The following RSRC1 variants were observed in gnomAD, a reference collection of about 807,000 sequenced individuals.
The protein encoded by RSRC1 is arginine and serine rich coiled-coil 1, also known as serine/Arginine-related protein 53.
Under a neutral mutation model 49.1 loss-of-function variants are expected in RSRC1, and 39 were observed. That is an observed-to-expected ratio of 0.79 (90% CI 0.61 to 1.04). The LOEUF (loss-of-function observed/expected upper bound fraction) is 1.04. Among genes scored for constraint, RSRC1 ranks in the 50% least tolerant of loss-of-function variants. RSRC1 has a pLI of 0.00. For missense variants in RSRC1, 388 were observed against 402.4 expected, an observed-to-expected ratio of 0.96 and a Z score of 0.31; for synonymous variants, 143 against 130.8, an observed-to-expected ratio of 1.09 and a Z score of -0.63.
intron 3 of RSRC1, among the ~76,000 whole-genome samples, chr3:158,166,219 C>T (rs771742045): frequency 5.3e-5 from 8 of 151,956 alleles, no homozygotes; most frequent in Non-Finnish European, 1.2e-4. Flanking sequence ...GTGCTTTTAT[C>T]GAAATAATTT....
chr3:158,334,073 A>G (rs1729714545), intron 5 of RSRC1, among the ~76,000 whole-genome samples: 2 of 152,206 alleles, frequency 1.3e-5, no homozygotes, highest in Admixed American at 1.3e-4. Context: ...GTTAATGTTT[A>G]TGGACTAAAA....
At chr3:158,313,173 A>G (rs1730040) in intron 5 of RSRC1, among the ~76,000 whole-genome samples, 58,936 of 151,590 alleles carry the variant, frequency 0.39, 12,308 homozygotes, top group East Asian at 0.64. Flanking sequence ...GATCCATCCC[A>G]TCCCCAGGAT....
At chr3:158,411,497 C>A (rs1734463645) in intron 6 of RSRC1, among the ~76,000 whole-genome samples, 1 of 146,944 alleles carries the variant, frequency 6.8e-6, no homozygotes, top group African/African-American at 2.5e-5. Context: ...AAACTTATAT[C>A]ATTCTACTTT....
chr3:158,537,052 C>A lies in RSRC1; in HGVS notation c.653-40C>A, dbSNP rs772649157. The A allele has an allele frequency of 3.0e-6, 4 of 1,342,026 alleles. No individual in the cohort carries two copies. In the South Asian group the frequency reaches 3.5e-5, roughly 12 times the overall value. 83.1% of individuals were successfully genotyped at this position (1,342,026 alleles called of 1,614,324 possible). On this transcript the variant is annotated intron_variant, in intron 7 of 9. Transcript: ENST00000611884. ...GCTTAGGTGTAGTGTTATTAACATGCTTACACCAAAATACGCTGACATTAT... is the reference window on the plus strand; with the variant it reads ...GCTTAGGTGTAGTGTTATTAACATGATTACACCAAAATACGCTGACATTAT...
At chr3:158,203,319 C>G in intron 4 of RSRC1, 74 bp downstream of exon 4, 1 of 1,463,900 alleles carries the variant, frequency 6.8e-7, no homozygotes, top group Non-Finnish European at 9.1e-7. Context: ...TTTTTGTTCT[C>G]TGAGGTTTTT....
At chr3:158,517,819 G>T (rs1440273575) in intron 7 of RSRC1, among the ~76,000 whole-genome samples, 5 of 126,848 alleles carry the variant, frequency 3.9e-5, no homozygotes, top group Middle Eastern at 5.2e-3. Context: ...GACCAGGTTG[G>T]TCTTGAAATC....
intron 7 of RSRC1, among the ~76,000 whole-genome samples, chr3:158,512,584 A>G (rs981153724): frequency 6.6e-6 from 1 of 152,076 alleles, no homozygotes; most frequent in African/African-American, 2.4e-5. Flanking sequence ...CTTAGGATTG[A>G]CTTGGCGATG....
At chr3:158,305,348 A>T (rs1235709820) in intron 5 of RSRC1, among the ~76,000 whole-genome samples, 6 of 152,104 alleles carry the variant, frequency 3.9e-5, no homozygotes, top group Non-Finnish European at 8.8e-5. Context: ...ACTTTTATGC[A>T]CCTGAGGTTA....
At chr3:158,280,838 G>A (rs1049585945) in intron 4 of RSRC1, among the ~76,000 whole-genome samples, 1 of 151,896 alleles carries the variant, frequency 6.6e-6, no homozygotes, top group African/African-American at 2.4e-5. Context: ...GTAGAGACGG[G>A]GTTTCACCCT....
intron 4 of RSRC1, among the ~76,000 whole-genome samples, chr3:158,258,723 C>T (rs1402487041): frequency 6.6e-6 from 1 of 151,954 alleles, no homozygotes; most frequent in Non-Finnish European, 1.5e-5. Context: ...TGTAGGTGTG[C>T]TTCATGTTTT....
intron 7 of RSRC1, among the ~76,000 whole-genome samples, chr3:158,464,352 A>G (rs1382534087): frequency 6.6e-6 from 1 of 152,092 alleles, no homozygotes; most frequent in Non-Finnish European, 1.5e-5. Flanking sequence ...TCTAATATGA[A>G]TTTCCTATTT....
At chr3:158,463,729 A>G (rs543821764) in intron 7 of RSRC1, among the ~76,000 whole-genome samples, 1 of 152,234 alleles carries the variant, frequency 6.6e-6, no homozygotes, top group Admixed American at 6.6e-5. Context: ...AATCAATAAC[A>G]TAATTATGTT....
At chr3:158,227,143 A>G (rs1212409632) in intron 4 of RSRC1, among the ~76,000 whole-genome samples, 1 of 151,702 alleles carries the variant, frequency 6.6e-6, no homozygotes. Context: ...CCTTTAACCA[A>G]TTTTCAACTG....
intron 4 of RSRC1, among the ~76,000 whole-genome samples, chr3:158,253,244 C>G (rs1724329784): frequency 6.6e-6 from 1 of 151,806 alleles, no homozygotes; most frequent in Non-Finnish European, 1.5e-5. Flanking sequence ...TTTGCTGTAT[C>G]CCATAGATTT....
At chr3:158,115,653 A>G (rs186651309) in intron 1 of RSRC1, among the ~76,000 whole-genome samples, 1 of 152,322 alleles carries the variant, frequency 6.6e-6, no homozygotes, top group African/African-American at 2.4e-5. Flanking sequence ...AAACAAACTT[A>G]GTGAGAAAAG....
intron 3 of RSRC1, among the ~76,000 whole-genome samples, chr3:158,155,331 C>T (rs1159769586): frequency 2.0e-5 from 3 of 152,196 alleles, no homozygotes; most frequent in Admixed American, 1.3e-4. Flanking sequence ...TCAGGGACTA[C>T]AGAATGAATG....
chr3:158,216,844 A>G (rs533729498), intron 4 of RSRC1, among the ~76,000 whole-genome samples: 10 of 151,802 alleles, frequency 6.6e-5, no homozygotes, highest in Admixed American at 3.9e-4. Flanking sequence ...AAGTAAATTA[A>G]AACCTGTTCC....
intron 7 of RSRC1, among the ~76,000 whole-genome samples, chr3:158,512,183 C>T (rs1295231660): frequency 1.3e-4 from 19 of 147,896 alleles, no homozygotes; most frequent in Admixed American, 1.2e-3. Context: ...ACATGAAGTC[C>T]TTGCCCATGC....
At chr3:158,483,431 T>C (rs1019737857) in intron 7 of RSRC1, among the ~76,000 whole-genome samples, 8 of 152,008 alleles carry the variant, frequency 5.3e-5, no homozygotes, top group African/African-American at 1.9e-4. Context: ...TAAAAATATA[T>C]GGGAATAATG....
Sources: gnomAD v4.1 joint callset for allele counts (sites outside exome capture counted in the v4.1 genomes callset) on GRCh38, gnomAD v4.1.1 for gene constraint, MANE v1.5 for transcripts, NCBI Gene and HGNC (gene_info 2026-07-23, HGNC 2026-07-21) for gene names.